Variants in ITGA2B observed in about 807,000 individuals in gnomAD.
ITGA2B encodes the protein integrin alpha-IIb.
ITGA2B carries 91 observed loss-of-function variants against 142.0 expected under a neutral mutation model. The observed-to-expected ratio is 0.64, with a 90% CI of 0.54 to 0.76. ITGA2B has a LOEUF of 0.76. Ranked by LOEUF, ITGA2B falls within the 30% of genes least tolerant of loss-of-function variation. ITGA2B has a pLI of 0.00. For missense variants in ITGA2B, 1,231 were observed against 1,350.8 expected (o/e 0.91, Z 1.39); for synonymous variants, 536 against 567.2 (o/e 0.94, Z 0.78).
Position 44,374,425 on chromosome 17 carries a change from T to C in ITGA2B, c.2989A>G (p.Ile997Val). 7 of 1,614,084 alleles carry C rather than the reference T, an allele frequency of 4.3e-6. No individual in the cohort carries two copies. The highest frequency in any genetic ancestry group is 5.9e-6 in the Non-Finnish European group (7 of 1,179,986). ...LRALEERAIP[I>V]WWVLVGVLGG... is the part of the protein sequence containing the mutation. ...AGCACACCCACCAGCACCCACCAGA[T>C]TGGAATGGCCCTCTCCTCCAAGGCC... Residue 997 changes from isoleucine (I) to valine (V), a missense_variant, in exon 29 of 30, where the codon ATC (isoleucine) becomes GTC (valine). Around this residue, in one of 3 missense-constraint regions of ITGA2B, gnomAD observed 908 missense variants for 1,021.1 expected, o/e 0.89. Coordinates refer to ENST00000262407, the MANE Select transcript of ITGA2B (RefSeq NM_000419.5).
chr17:44,373,992 G>A (rs568657692), intron 29 of ITGA2B: 11 of 220,842 alleles, frequency 5.0e-5, no homozygotes, highest in East Asian at 1.2e-4. Context: ...TGCAACCTCC[G>A]CCTCCTGGGT....
chr17:44,372,910 T>C (rs1373239608), intron 29 of ITGA2B, among the ~76,000 whole-genome samples: 3 of 152,086 alleles, frequency 2.0e-5, no homozygotes, highest in Non-Finnish European at 4.4e-5. Flanking sequence ...CATAAGCCAC[T>C]GTGCCCGGCC....
In ITGA2B at chr17:44,386,051, C is replaced by T. The variant is rs751857224; in HGVS notation, c.269G>A (p.Arg90Lys). The T allele has an allele frequency of 8.1e-6, 13 of 1,612,858 alleles. No individual in the cohort carries two copies. Among genetic ancestry groups the T allele is most frequent in the Non-Finnish European group, 1.0e-5 (12 of 1,179,928 alleles). ...CGAGGGGCACTGGCCGCCCTCGGCC[C>T]TCCAGGGGCACAGGAACACGCCGCC... ...ETGGVFLCPW[R>K]AEGGQCPSLL... Residue 90 changes from arginine to lysine, a missense_variant, in exon 2 of 30, where the codon AGG becomes AAG. Transcript: ENST00000262407.
chr17:44,373,274 A>C (rs995301843), intron 29 of ITGA2B, among the ~76,000 whole-genome samples: 1 of 151,944 alleles, frequency 6.6e-6, no homozygotes, highest in African/African-American at 2.4e-5. Context: ...AGTAGCTGGA[A>C]GTACAGGTGC....
intron 1 of ITGA2B, among the ~76,000 whole-genome samples, chr17:44,386,800 T>G (rs1309765488): frequency 2.0e-5 from 3 of 152,054 alleles, no homozygotes; most frequent in Admixed American, 6.6e-5. Context: ...AAAAAATAAT[T>G]TTGTTGTTTT....
chr17:44,375,291 T>A, intron 26 of ITGA2B, 180 bp from the exon 27 acceptor site: 1 of 673,010 alleles, frequency 1.5e-6, no homozygotes, highest in East Asian at 2.7e-5. Context: ...CTTGCTCACA[T>A]AGTCCCAGAG....
intron 7 of ITGA2B, 139 bp downstream of exon 7, chr17:44,384,809 A>G: frequency 7.0e-7 from 1 of 1,422,344 alleles, no homozygotes; most frequent in Non-Finnish European, 9.9e-7. Context: ...GGGAAGCCGC[A>G]GGAGCGGAGG....
At chr17:44,374,511 C>G (rs2048522201) in intron 28 of ITGA2B, 41 bp from the exon 29 acceptor site, 1 of 1,585,052 alleles carries the variant, frequency 6.3e-7, no homozygotes, top group South Asian at 1.1e-5. Context: ...ACCTTGACAC[C>G]TGCCTTTCAC....
intron 18 of ITGA2B, 60 bp downstream of exon 18, chr17:44,379,629 T>G: frequency 6.2e-7 from 1 of 1,612,798 alleles, no homozygotes; most frequent in Non-Finnish European, 8.5e-7. Context: ...GCACTAACCC[T>G]AATCCTGATT....
At chr17:44,379,181 C>T (rs2048571803) in intron 18 of ITGA2B, among the ~76,000 whole-genome samples, 1 of 150,280 alleles carries the variant, frequency 6.7e-6, no homozygotes, top group Admixed American at 6.6e-5. Flanking sequence ...GTCTTGATCT[C>T]CTGACCTCGT....
chr17:44,384,365 G>A lies in ITGA2B; in HGVS notation c.848-11C>T. 1.2e-6 allele frequency: 2 copies of A among 1,613,806 alleles called. No individual in the cohort carries two copies. Among genetic ancestry groups the A allele is most frequent in the Non-Finnish European group, 1.7e-6 (2 of 1,179,926 alleles). On this transcript the variant is annotated splice_polypyrimidine_tract_variant and intron_variant, in intron 8 of 29. Coordinates refer to ENST00000262407, the MANE Select transcript of ITGA2B (RefSeq NM_000419.5). ...CACCGACGACATATTCTGGCGATAG[G>A]GAGAGCCAGGCTCAGGGAATGAGAG...
intron 12 of ITGA2B, 104 bp downstream of exon 12, chr17:44,383,389 A>G: frequency 9.4e-7 from 1 of 1,060,186 alleles, no homozygotes; most frequent in Non-Finnish European, 1.4e-6. Flanking sequence ...ACATACTTAT[A>G]TGCTTAAAAC....
At chr17:44,375,788 G>C (rs2048537058) in intron 25 of ITGA2B, 45 bp downstream of exon 25, 1 of 1,557,636 alleles carries the variant, frequency 6.4e-7, no homozygotes, top group African/African-American at 1.4e-5. Flanking sequence ...CCCGGTGGTT[G>C]GTCTGGGGCC....
rs769156315 is a variant in ITGA2B, at chr17:44,380,000, A to G, written c.1752+2T>C. On this transcript the variant is annotated splice_donor_variant, in intron 17 of 29. Transcript: ENST00000262407. LOFTEE classifies it high-confidence loss of function. ...CCCTGCCAATCCCCTGCCTGGGCGTACTCGAAGGAAGGCCATGGTGGTGTG... is the reference window on the plus strand; with the variant it reads ...CCCTGCCAATCCCCTGCCTGGGCGTGCTCGAAGGAAGGCCATGGTGGTGTG... 1 of 1,613,122 alleles carries G rather than the reference A, an allele frequency of 6.2e-7. No homozygotes were observed. The highest frequency in any genetic ancestry group is 8.5e-7 in the Non-Finnish European group (1 of 1,180,020).
chr17:44,377,001 G>T lies in ITGA2B; in HGVS notation c.2267+8C>A. 1.3e-6 allele frequency: 2 copies of T among 1,580,320 alleles called. No individual in the cohort carries two copies. On this transcript the variant is annotated splice_region_variant and intron_variant, in intron 22 of 29. Coordinates refer to ENST00000262407, the MANE Select transcript of ITGA2B (RefSeq NM_000419.5). ...GGTGGTGGGTAGGCACGCTCGCCAG[G>T]TCAGTACCTCCGTATCTGCAGCTGG... is the stretch of plus-strand genomic sequence containing the variant.
rs1471202639 is a variant in ITGA2B, at chr17:44,379,781, T to C, written c.1786A>G (p.Ile596Val). ...EADFRDKLSP[I>V]VLSLNVSLPP... ...AGGGACACATTGAGGCTGAGCACAA[T>C]GGGGCTCAGCTTGTCCCGGAAGTCT... The change falls in exon 18 of 30, where the codon ATT (isoleucine) becomes GTT (valine). Residue 596 changes from isoleucine to valine, a missense_variant. Coordinates refer to ENST00000262407, the MANE Select transcript of ITGA2B (RefSeq NM_000419.5). 6.2e-7 allele frequency: 1 copy of C among 1,613,780 alleles called. No homozygotes were observed. The highest frequency in any genetic ancestry group is 8.5e-7 in the Non-Finnish European group (1 of 1,179,980).
At chr17:44,376,734 T>C (rs2048547604) in intron 22 of ITGA2B, among the ~76,000 whole-genome samples, 1 of 151,818 alleles carries the variant, frequency 6.6e-6, no homozygotes, top group African/African-American at 2.4e-5. Flanking sequence ...TGCCTCAGCC[T>C]CCCGAGTAGC....
chr17:44,387,536 GA>G (rs997629520), intron 1 of ITGA2B, among the ~76,000 whole-genome samples: 5 of 139,978 alleles, frequency 3.6e-5, no homozygotes, highest in African/African-American at 8.0e-5. Context: ...AAAAAAAGAA[GA>G]AAAAAAGTCT....
chr17:44,389,296 TGTCCTTGTGGAA>T lies in ITGA2B; in HGVS notation c.166_177del (p.Phe56_Asp59del). The T allele has an allele frequency of 6.2e-7, 1 of 1,614,184 alleles. No individual in the cohort carries two copies. The highest frequency in any genetic ancestry group is 8.5e-7 in the Non-Finnish European group (1 of 1,180,038). ...TCCCTTACGGCTCACCTCCCATGGC[TGTCCTTGTGGAA>T]GTCCAGTGAAAATCCAAACTGGCTG... On this transcript the variant is annotated inframe_deletion, in exon 1 of 30. Coordinates refer to ENST00000262407, the MANE Select transcript of ITGA2B (RefSeq NM_000419.5).
Sources: allele counts gnomAD v4.1 joint callset (sites outside exome capture counted in the v4.1 genomes callset), GRCh38; gene constraint gnomAD v4.1.1; regional missense constraint gnomAD v4.1.1; transcripts MANE v1.5; gene names NCBI Gene and HGNC (gene_info 2026-07-23, HGNC 2026-07-21).